ERICH3: variants seen among roughly 807,000 people sequenced by gnomAD.
ERICH3 encodes the protein glutamate rich 3, also known as glutamate-rich protein 3.
Under a neutral mutation model 131.1 loss-of-function variants are expected in ERICH3, and 126 were observed. That is an observed-to-expected ratio of 0.96 (90% CI 0.83 to 1.11). The LOEUF is 1.11. Ranked by LOEUF, ERICH3 falls within the 50% of genes most tolerant of loss-of-function variation. The pLI is 0.00. For synonymous variants in ERICH3, 695 were observed against 644.6 expected, an observed-to-expected ratio of 1.08 and a Z score of -1.18; for missense variants, 2,050 against 1,810.7, an observed-to-expected ratio of 1.13 and a Z score of -2.40.
intron 1 of ERICH3, among the ~76,000 whole-genome samples, chr1:74,664,074 T>C (rs1186272575): frequency 6.6e-6 from 1 of 152,150 alleles, no homozygotes; most frequent in Non-Finnish European, 1.5e-5. Flanking sequence ...ATGGTACTTG[T>C]TGGTATAACT....
At chr1:74,611,201 A>G (rs539890670) in intron 9 of ERICH3, among the ~76,000 whole-genome samples, 2 of 152,182 alleles carry the variant, frequency 1.3e-5, no homozygotes, top group South Asian at 2.1e-4. Flanking sequence ...CTCAGACTCA[A>G]TGTGTCCTCG....
At chr1:74,603,123 C>T (rs2100582842) in intron 10 of ERICH3, among the ~76,000 whole-genome samples, 1 of 151,986 alleles carries the variant, frequency 6.6e-6, no homozygotes, top group Non-Finnish European at 1.5e-5. Context: ...GAAGCCAGCC[C>T]TTCCACAGGT....
chr1:74,620,724 T>G lies in ERICH3; in HGVS notation c.1000+10A>C. On this transcript the variant is annotated intron_variant, in intron 8 of 14. Transcript: ENST00000326665. ...CAAGCAATTAAAAAACATTCACATT[T>G]TATGTGTACCTTTTTCAAGTAGTTT... 6.3e-7 allele frequency: 1 copy of G among 1,582,174 alleles called. No homozygotes were observed. Among genetic ancestry groups the G allele is most frequent in the African/African-American group, 1.4e-5 (1 of 73,592 alleles).
intron 12 of ERICH3, chr1:74,579,936 T>C (rs1647147005): frequency 2.1e-6 from 2 of 947,246 alleles, no homozygotes; most frequent in Admixed American, 6.2e-5. Context: ...ACTCAAATGA[T>C]ATAATGATAC....
At chr1:74,629,379 T>TC (rs1234319640) in intron 7 of ERICH3, among the ~76,000 whole-genome samples, 1 of 152,076 alleles carries the variant, frequency 6.6e-6, no homozygotes, top group Non-Finnish European at 1.5e-5. Context: ...GTTTTTTTTT[T>TC]CTTGGAAAAA....
At chr1:74,636,997 T>TA (rs1646395863) in intron 5 of ERICH3, among the ~76,000 whole-genome samples, 2 of 152,064 alleles carry the variant, frequency 1.3e-5, no homozygotes, top group African/African-American at 4.8e-5. Context: ...AAAACAAAAA[T>TA]AAAAAAATTG....
chr1:74,647,402 CT>C (rs983168188), intron 2 of ERICH3, among the ~76,000 whole-genome samples: 20 of 151,218 alleles, frequency 1.3e-4, no homozygotes, highest in African/African-American at 2.7e-4. Flanking sequence ...TTTCCTACTG[CT>C]TTTTTTTTCT....
chr1:74,600,617 C>T (rs1243514732), intron 10 of ERICH3, among the ~76,000 whole-genome samples: 1 of 151,798 alleles, frequency 6.6e-6, no homozygotes, highest in African/African-American at 2.4e-5. Context: ...TTATTCCCTG[C>T]AGAGGTGCTA....
chr1:74,618,858 A>G (rs1375954514), intron 8 of ERICH3, among the ~76,000 whole-genome samples: 1 of 152,176 alleles, frequency 6.6e-6, no homozygotes, highest in Non-Finnish European at 1.5e-5. Context: ...ACAATGTTAA[A>G]TGCTCCCCCT....
chr1:74,651,724 T>C lies in ERICH3; in HGVS notation c.24-2409A>G, dbSNP rs114837117. On this transcript the variant is annotated intron_variant, in intron 1 of 14. Coordinates refer to ENST00000326665, the MANE Select transcript of ERICH3 (RefSeq NM_001002912.5). ...TTTTTCTTAAAAAAATCAATAATTT[T>C]GGAATAGCTGGGAGTGCTAAAACCC... Among the ~76,000 whole-genome samples the C allele has an allele frequency of 5.6e-3, 857 of 152,212 alleles. 12 individuals carry two copies. Among genetic ancestry groups the C allele is most frequent in the African/African-American group, 0.02 (828 of 41,538 alleles).
chr1:74,674,132 G>A (rs995952265), upstream of ERICH3, among the ~76,000 whole-genome samples: 2 of 152,096 alleles, frequency 1.3e-5, no homozygotes, highest in African/African-American at 4.8e-5. Flanking sequence ...ATCTGTTTTG[G>A]GTTTTGAATT....
At chr1:74,646,472 T>C (rs530706646) in intron 3 of ERICH3, among the ~76,000 whole-genome samples, 195 bp downstream of exon 3, 347 of 152,208 alleles carry the variant, frequency 2.3e-3, no homozygotes, top group Middle Eastern at 0.01. Context: ...CAGAGAGATA[T>C]TGAGTATTTC....
chr1:74,653,506 C>A (rs1447754813), intron 1 of ERICH3, among the ~76,000 whole-genome samples: 2 of 151,732 alleles, frequency 1.3e-5, no homozygotes, highest in Non-Finnish European at 2.9e-5. Context: ...AATTAATTAC[C>A]AAGTATCTCC....
intron 2 of ERICH3, among the ~76,000 whole-genome samples, chr1:74,647,593 G>A (rs1466456185): frequency 1.3e-5 from 2 of 151,974 alleles, no homozygotes; most frequent in Non-Finnish European, 2.9e-5. Context: ...TTCTTCCTGT[G>A]GGCATATTTG....
chr1:74,623,212 C>A (rs1649289625), intron 7 of ERICH3: 1 of 152,252 alleles, frequency 6.6e-6, no homozygotes, highest in South Asian at 2.1e-4. Context: ...GCTCTTCTTT[C>A]TGATTTCCTT....
intron 10 of ERICH3, among the ~76,000 whole-genome samples, chr1:74,604,338 C>A (rs570733483): frequency 6.6e-6 from 1 of 151,864 alleles, no homozygotes; most frequent in East Asian, 1.9e-4. Context: ...CTCAAAGCCA[C>A]CTGTGAGGAA....
chr1:74,668,708 C>T (rs1646714377), intron 1 of ERICH3, among the ~76,000 whole-genome samples: 1 of 152,044 alleles, frequency 6.6e-6, no homozygotes, highest in Non-Finnish European at 1.5e-5. Flanking sequence ...TTTAAAAGAG[C>T]AGAATCTATA....
At chr1:74,605,195 C>T (rs1349404287) in intron 10 of ERICH3, among the ~76,000 whole-genome samples, 1 of 151,944 alleles carries the variant, frequency 6.6e-6, no homozygotes, top group Non-Finnish European at 1.5e-5. Context: ...ATACTTTTCT[C>T]CTGCACCTTC....
chr1:74,573,969 T>C (rs1647006961), intron 13 of ERICH3, among the ~76,000 whole-genome samples: 2 of 151,590 alleles, frequency 1.3e-5, no homozygotes, highest in Admixed American at 1.3e-4. Context: ...TATAAATTAT[T>C]ATTTTATTTG....
Sources: allele counts gnomAD v4.1 joint callset (sites outside exome capture counted in the v4.1 genomes callset), GRCh38; gene constraint gnomAD v4.1.1; transcripts MANE v1.5; gene names NCBI Gene and HGNC (gene_info 2026-07-23, HGNC 2026-07-21).